FOXN1: variants seen among roughly 807,000 people sequenced by gnomAD.
FOXN1 encodes forkhead box protein N1.
A neutral mutation model predicts 49.0 loss-of-function variants in FOXN1; 15 were observed. That is an observed-to-expected ratio of 0.31 (90% CI 0.20 to 0.47). FOXN1 has a LOEUF of 0.47. Among genes scored for constraint, FOXN1 ranks in the 20% least tolerant of loss-of-function variants. The probability of loss-of-function intolerance (pLI) is 1.00; values close to 1 mark genes in which losing one functional copy is unlikely to be tolerated. For synonymous variants in FOXN1, 356 were observed against 369.0 expected, an observed-to-expected ratio of 0.96 and a Z score of 0.40; for missense variants, 800 against 842.8, an observed-to-expected ratio of 0.95 and a Z score of 0.63.
At chr17:28,527,728 G>A (rs898189903) in intron 4 of FOXN1, among the ~76,000 whole-genome samples, 12 of 152,206 alleles carry the variant, frequency 7.9e-5, no homozygotes, top group African/African-American at 2.9e-4. Flanking sequence ...GGCCGAGCAG[G>A]TCGAGGAACA....
At position 28,514,458 on chromosome 17, in the gene FOXN1, AAGG is replaced by A. The variant is rs546349462; in HGVS notation, c.-15+8018_-15+8020del. 6.9e-3 allele frequency among the ~76,000 whole-genome samples: 1,057 copies of A among 152,206 alleles called. 5 individuals are homozygous for A. Among genetic ancestry groups the A allele is most frequent in the Middle Eastern group, 0.02 (6 of 294 alleles). On this transcript the variant is annotated intron_variant, in intron 1 of 8. Coordinates refer to ENST00000579795, the MANE Select transcript of FOXN1 (RefSeq NM_001369369.1). ...AGAACTTCCAACATTGATGGGGAGAAAGGAGCTAGAAACCCCCTCTTTCTTGGC... is the reference window on the plus strand; with the variant it reads ...AGAACTTCCAACATTGATGGGGAGAAAGCTAGAAACCCCCTCTTTCTTGGC...
At chr17:28,535,617 G>A (rs1448293931) in intron 8 of FOXN1, among the ~76,000 whole-genome samples, 1 of 152,198 alleles carries the variant, frequency 6.6e-6, no homozygotes, top group Non-Finnish European at 1.5e-5. Flanking sequence ...TGGGCATGGT[G>A]GCATGCACCT....
At chr17:28,529,728 C>G (rs1192332711) in intron 5 of FOXN1, among the ~76,000 whole-genome samples, 1 of 152,208 alleles carries the variant, frequency 6.6e-6, no homozygotes, top group Non-Finnish European at 1.5e-5. Context: ...ACCCTTCCAT[C>G]TGTCCTTTCA....
Position 28,534,981 on chromosome 17 carries a change from A to G in FOXN1, c.1410A>G (p.Pro470=), listed in dbSNP as rs755510457. ...PGLAPPGPPQ[P]LFPQPDGHLE... is the part of the protein sequence containing the mutation. The stretch of plus-strand genomic sequence containing the variant: ...TGGCCCCTCCTGGACCCCCGCAGCC[A>G]TTGTTCCCACAGCCGGACGGGCACC... Residue 470 remains proline, a synonymous_variant, in exon 8 of 9, where the codon CCA becomes CCG. Coordinates refer to ENST00000579795, the MANE Select transcript of FOXN1 (RefSeq NM_001369369.1). The surrounding 1 kb of genome is among the most constrained non-coding windows in gnomAD (Gnocchi z 4.1). The G allele has an allele frequency of 6.2e-7, 1 of 1,613,886 alleles. No homozygotes were observed. The highest frequency in any genetic ancestry group is 1.7e-5 in the Admixed American group (1 of 60,018).
At chr17:28,512,480 CA>C (rs1188753378) in intron 1 of FOXN1, among the ~76,000 whole-genome samples, 1 of 152,174 alleles carries the variant, frequency 6.6e-6, no homozygotes, top group Non-Finnish European at 1.5e-5. Flanking sequence ...GCCATGGCTT[CA>C]AAAAATCCCT....
intron 5 of FOXN1, among the ~76,000 whole-genome samples, chr17:28,529,484 G>C (rs567093545): frequency 6.6e-6 from 1 of 152,308 alleles, no homozygotes; most frequent in African/African-American, 2.4e-5. Flanking sequence ...TGATGAGCCT[G>C]CCAAGGTCTC....
chr17:28,535,254 A>C lies in FOXN1; in HGVS notation c.1627+56A>C, dbSNP rs145486134. On this transcript the variant is annotated intron_variant, in intron 8 of 8. Transcript: ENST00000579795. ...ACAGGACTGGAGAGGAGCACCTGGCAGTGGGACTCATCTTCTCCAAGTCTC... is the reference window on the plus strand; with the variant it reads ...ACAGGACTGGAGAGGAGCACCTGGCCGTGGGACTCATCTTCTCCAAGTCTC... The C allele has an allele frequency of 1.6e-4, 251 of 1,575,366 alleles. No individual in the cohort carries two copies. In the African/African-American group the frequency reaches 2.9e-3, roughly 18 times the overall value.
rs1384003837 is a variant in FOXN1, at chr17:28,537,056, G to A, written c.1628-61G>A. On this transcript the variant is annotated intron_variant, in intron 8 of 8. Coordinates refer to ENST00000579795, the MANE Select transcript of FOXN1 (RefSeq NM_001369369.1). ...GCATGTGAAGATTGACAGGGAGGAGGGGCCAGACAGGGCTCCTCCGGTGCC... is the reference window on the plus strand; with the variant it reads ...GCATGTGAAGATTGACAGGGAGGAGAGGCCAGACAGGGCTCCTCCGGTGCC... 2.1e-5 allele frequency: 26 copies of A among 1,265,172 alleles called. No homozygotes were observed. In the East Asian group the frequency reaches 5.1e-4, roughly 25 times the overall value. The allele number at this position is 1,265,172 out of a possible 1,614,324, so 78.4% of individuals were successfully genotyped here.
At chr17:28,532,039 T>C (rs1181193669) in intron 6 of FOXN1, among the ~76,000 whole-genome samples, 1 of 151,970 alleles carries the variant, frequency 6.6e-6, no homozygotes, top group Non-Finnish European at 1.5e-5. Flanking sequence ...CCCCAGCAGG[T>C]CAGGGGCTGA....
Position 28,536,492 on chromosome 17 carries a change from A to C in FOXN1, c.1628-625A>C, listed in dbSNP as rs528383705. Among the ~76,000 whole-genome samples the C allele has an allele frequency of 7.2e-5, 11 of 152,288 alleles. No individual in the cohort carries two copies. The East Asian group carries it at 2.1e-3, about 29-fold the overall frequency. On this transcript the variant is annotated intron_variant, in intron 8 of 8. Transcript: ENST00000579795. ...AGAGGGAGAGTTGGGACTGGAACCC[A>C]GGCAGCCAAATCCAATCCAGGGTTT...
chr17:28,522,871 A>G (rs1261349732), intron 1 of FOXN1, among the ~76,000 whole-genome samples: 1 of 152,206 alleles, frequency 6.6e-6, no homozygotes, highest in African/African-American at 2.4e-5. Flanking sequence ...CACACTCACA[A>G]TAATATTCAT....
At chr17:28,517,948 G>T (rs1330580504) in intron 1 of FOXN1, among the ~76,000 whole-genome samples, 1 of 141,362 alleles carries the variant, frequency 7.1e-6, no homozygotes, top group Non-Finnish European at 1.5e-5. Context: ...CCTCCATAGG[G>T]TACACACCTC....
intron 1 of FOXN1, among the ~76,000 whole-genome samples, chr17:28,519,328 C>CAA (rs900477670): frequency 2.2e-5 from 3 of 135,352 alleles, no homozygotes; most frequent in Non-Finnish European, 3.2e-5. Flanking sequence ...GACCTTGTCT[C>CAA]AAAAAAAAAA....
chr17:28,513,383 A>T (rs922710868), intron 1 of FOXN1, among the ~76,000 whole-genome samples: 2 of 151,910 alleles, frequency 1.3e-5, no homozygotes, highest in Non-Finnish European at 1.5e-5. Flanking sequence ...AGAAATAAAA[A>T]TACTTAAAAT....
At chr17:28,514,383 T>A (rs2069451065) in intron 1 of FOXN1, among the ~76,000 whole-genome samples, 1 of 152,186 alleles carries the variant, frequency 6.6e-6, no homozygotes, top group Non-Finnish European at 1.5e-5. Flanking sequence ...CAACCCATTT[T>A]CCGAAACTGA....
At chr17:28,526,694 G>A (rs1455887318) in intron 3 of FOXN1, among the ~76,000 whole-genome samples, 1 of 152,222 alleles carries the variant, frequency 6.6e-6, no homozygotes, top group East Asian at 1.9e-4. Context: ...TCAGAGCGGA[G>A]AGGAGTTACT....
Position 28,507,411 on chromosome 17 carries a change from C to T in FOXN1, c.-15+968C>T, listed in dbSNP as rs550037985. Among the ~76,000 whole-genome samples, 4 of 152,320 alleles carry T rather than the reference C, an allele frequency of 2.6e-5. No individual in the cohort carries two copies. In the South Asian group the frequency reaches 8.3e-4, roughly 32 times the overall value. ...GCACCTACAGGCATGGGGGATATGT[C>T]TGGATGTGCTTTGTGGCAATGCACA... On this transcript the variant is annotated intron_variant, in intron 1 of 8. Coordinates refer to ENST00000579795, the MANE Select transcript of FOXN1 (RefSeq NM_001369369.1).
intron 1 of FOXN1, among the ~76,000 whole-genome samples, chr17:28,521,301 C>T (rs2069635606): frequency 2.0e-5 from 3 of 152,230 alleles, no homozygotes; most frequent in Admixed American, 2.0e-4. Context: ...GCCACCCTCC[C>T]CAGGTTACAA....
At chr17:28,523,591 G>C (rs1479953964) in intron 1 of FOXN1, among the ~76,000 whole-genome samples, 1 of 152,136 alleles carries the variant, frequency 6.6e-6, no homozygotes, top group Non-Finnish European at 1.5e-5. Context: ...ACAGGAGACC[G>C]ATCTTGAGGA....
Sources: allele counts gnomAD v4.1 joint callset (sites outside exome capture counted in the v4.1 genomes callset), GRCh38; gene constraint gnomAD v4.1.1; non-coding constraint Gnocchi (gnomAD v3.1); transcripts MANE v1.5; gene names NCBI Gene and HGNC (gene_info 2026-07-23, HGNC 2026-07-21).